Variants in POLQ observed in about 807,000 individuals in gnomAD.
POLQ encodes DNA polymerase theta, also known as epididymis secretory sperm binding protein.
A neutral mutation model predicts 259.2 loss-of-function variants in POLQ; 233 were observed. That is an observed-to-expected ratio of 0.90 (90% confidence interval 0.81 to 1.00). The LOEUF (loss-of-function observed/expected upper bound fraction) is 1.00, where lower values mean the gene tolerates loss of function less well. POLQ is among the 50% of genes least tolerant of loss of function. The probability of loss-of-function intolerance (pLI) is 0.00; values close to 1 mark genes in which losing one functional copy is unlikely to be tolerated. For missense variants in POLQ, 2,871 were observed against 3,051.6 expected, an observed-to-expected ratio of 0.94 and a Z score of 1.39; for synonymous variants, 1,025 against 1,048.8, an observed-to-expected ratio of 0.98 and a Z score of 0.44.
intron 25 of POLQ, among the ~76,000 whole-genome samples, chr3:121,450,328 C>G (rs745766273): frequency 6.6e-6 from 1 of 151,882 alleles, no homozygotes; most frequent in Non-Finnish European, 1.5e-5. Flanking sequence ...TCTACCCCCA[C>G]CCCCAAGTTT....
chr3:121,432,042 T>G lies in POLQ; in HGVS notation c.*262A>C. On this transcript the variant is annotated 3_prime_UTR_variant, in exon 30 of 30. Transcript: ENST00000264233. Reference sequence around the variant, plus strand: ...TGAATATGTTTAAAGCCACAGTAAGTTACAAAAGGCAAATTCATAGATGCT... The same window carrying G: ...TGAATATGTTTAAAGCCACAGTAAGGTACAAAAGGCAAATTCATAGATGCT... 1 of 358,946 alleles carries G rather than the reference T, an allele frequency of 2.8e-6. No homozygotes were observed. The allele number at this position is 358,946 out of a possible 1,614,324, so 22.2% of individuals were successfully genotyped here.
intron 12 of POLQ, among the ~76,000 whole-genome samples, chr3:121,501,648 C>G (rs1228584918): frequency 1.2e-5 from 1 of 85,424 alleles, no homozygotes; most frequent in African/African-American, 4.8e-5. Flanking sequence ...GGCGACAGAG[C>G]GAGACTCCGT....
At chr3:121,461,461 G>A (rs1002744290) in intron 24 of POLQ, among the ~76,000 whole-genome samples, 1 of 152,030 alleles carries the variant, frequency 6.6e-6, no homozygotes, top group African/African-American at 2.4e-5. Context: ...GACCATCCTG[G>A]CCAACATGGT....
chr3:121,441,826 G>A (rs1344028637), intron 26 of POLQ, among the ~76,000 whole-genome samples: 1 of 152,182 alleles, frequency 6.6e-6, no homozygotes, highest in Admixed American at 6.5e-5. Context: ...CTCCAAAGTA[G>A]TTTTACCATT....
intron 20 of POLQ, 83 bp downstream of exon 20, chr3:121,476,456 AC>A: frequency 3.4e-5 from 1 of 29,228 alleles, no homozygotes; most frequent in Admixed American, 6.8e-4. Flanking sequence ...TCAGGTAAAT[AC>A]ACACACACAC....
chr3:121,541,561 T>C (rs2048490291), intron 2 of POLQ, 82 bp from the exon 3 acceptor site: 4 of 1,278,470 alleles, frequency 3.1e-6, no homozygotes, highest in Non-Finnish European at 3.3e-6. Context: ...AAGCCATGTG[T>C]AGTACTACAG....
At chr3:121,479,984 T>G (rs1374082461) in intron 19 of POLQ, among the ~76,000 whole-genome samples, 1 of 151,716 alleles carries the variant, frequency 6.6e-6, no homozygotes, top group East Asian at 1.9e-4. Context: ...AAACTTCAAG[T>G]GACATTAAAT....
intron 27 of POLQ, among the ~76,000 whole-genome samples, chr3:121,436,787 G>C (rs1460224935): frequency 6.6e-6 from 1 of 151,720 alleles, no homozygotes; most frequent in Admixed American, 6.6e-5. Flanking sequence ...TTCATGGGCT[G>C]CTGAGGCAAA....
At chr3:121,533,265 G>C (rs944994641) in intron 5 of POLQ, 56 bp from the exon 6 acceptor site, 13 of 1,144,634 alleles carry the variant, frequency 1.1e-5, no homozygotes, top group Middle Eastern at 2.1e-4. Flanking sequence ...TTAATAATTA[G>C]TGTTGCTAAC....
intron 4 of POLQ, among the ~76,000 whole-genome samples, chr3:121,538,999 C>G (rs567417715): frequency 6.6e-6 from 1 of 152,250 alleles, no homozygotes; most frequent in Non-Finnish European, 1.5e-5. Context: ...GTGTCAGTTT[C>G]TTTAGCTTCC....
chr3:121,449,452 A>C lies in POLQ; in HGVS notation c.7153-26T>G, dbSNP rs780587430. On this transcript the variant is annotated intron_variant, in intron 25 of 29. Coordinates refer to ENST00000264233, the MANE Select transcript of POLQ (RefSeq NM_199420.4). ...CTGAAAGGGAGTCATCCAACAAATA[A>C]AGGTTATAAGTACATAAAATGCAAA... is the stretch of plus-strand genomic sequence containing the variant. 1.3e-5 allele frequency: 16 copies of C among 1,222,298 alleles called. No homozygotes were observed. In the Admixed American group the frequency reaches 2.4e-4, roughly 18 times the overall value. The allele number at this position is 1,222,298 out of a possible 1,614,324, so 75.7% of individuals were successfully genotyped here. A position where few individuals can be genotyped will look rare whatever the true frequency, so the allele number is the denominator to read the frequency against.
At chr3:121,457,682 G>A (rs1209463124) in intron 25 of POLQ, among the ~76,000 whole-genome samples, 1 of 152,196 alleles carries the variant, frequency 6.6e-6, no homozygotes, top group Non-Finnish European at 1.5e-5. Context: ...AAACCACAAT[G>A]AGATACCATC....
chr3:121,461,659 AAAAAAG>A (rs1289121123), intron 24 of POLQ, among the ~76,000 whole-genome samples: 2 of 142,824 alleles, frequency 1.4e-5, no homozygotes. Context: ...CAAAAAAAAA[AAAAAAG>A]AAAGAAAAAG....
intron 28 of POLQ, among the ~76,000 whole-genome samples, chr3:121,434,403 T>C (rs2047526233): frequency 6.6e-6 from 1 of 152,252 alleles, no homozygotes; most frequent in Admixed American, 6.5e-5. Flanking sequence ...TCAGGTATCA[T>C]ATCTTCCTCT....
chr3:121,471,318 T>C (rs2047882004), intron 22 of POLQ, among the ~76,000 whole-genome samples: 1 of 152,016 alleles, frequency 6.6e-6, no homozygotes, highest in African/African-American at 2.4e-5. Context: ...CTTGGAGAAA[T>C]CTTAAGAGGC....
intron 12 of POLQ, among the ~76,000 whole-genome samples, chr3:121,504,926 G>C (rs1422378229): frequency 1.3e-5 from 2 of 152,042 alleles, no homozygotes; most frequent in Non-Finnish European, 2.9e-5. Context: ...AATGTGAGAA[G>C]GTCATGAGAT....
At chr3:121,447,169 C>A (rs1576399396) in intron 26 of POLQ, among the ~76,000 whole-genome samples, 1 of 111,880 alleles carries the variant, frequency 8.9e-6, no homozygotes, top group Non-Finnish European at 1.9e-5. Flanking sequence ...TGTCTTATAA[C>A]CCTTTTTTTT....
chr3:121,505,001 T>TA (rs2048198181), intron 12 of POLQ, among the ~76,000 whole-genome samples: 1 of 152,194 alleles, frequency 6.6e-6, no homozygotes. Flanking sequence ...CATGTTGAAA[T>TA]ATAATCTCCA....
At chr3:121,442,522 A>G (rs1350699892) in intron 26 of POLQ, among the ~76,000 whole-genome samples, 3 of 152,186 alleles carry the variant, frequency 2.0e-5, no homozygotes. Flanking sequence ...GCTGAGTGAC[A>G]AATAACTGAG....
Sources: gnomAD v4.1 joint callset for allele counts (sites outside exome capture counted in the v4.1 genomes callset) on GRCh38, gnomAD v4.1.1 for gene constraint, MANE v1.5 for transcripts, NCBI Gene and HGNC (gene_info 2026-07-23, HGNC 2026-07-21) for gene names.